The following MAPK8 variants were observed in gnomAD, a reference collection of about 807,000 sequenced individuals.
The protein encoded by MAPK8 is mitogen-activated protein kinase 8.
MAPK8 carries 13 observed loss-of-function variants against 52.9 expected under a neutral mutation model. That is an observed-to-expected ratio of 0.25 (90% CI 0.16 to 0.39). MAPK8 has a LOEUF of 0.39. MAPK8 is among the 10% of genes least tolerant of loss of function. The probability of loss-of-function intolerance (pLI) is 1.00; values close to 1 mark genes in which losing one functional copy is unlikely to be tolerated. For synonymous variants in MAPK8, 191 were observed against 169.8 expected (o/e 1.12, Z -0.97); for missense variants, 300 against 519.2 (o/e 0.58, Z 4.10).
Position 48,324,503 on chromosome 10 carries a change from G to GTTTTTTTTTTTTTTTTTTTTTTTT in MAPK8, c.-50+17699_-50+17700insTTTTTTTTTTTTTTTTTTTTTTTT, listed in dbSNP as rs370766776. 6.4e-4 allele frequency among the ~76,000 whole-genome samples: 76 copies of GTTTTTTTTTTTTTTTTTTTTTTTT among 117,958 alleles called. 5 individuals are homozygous for GTTTTTTTTTTTTTTTTTTTTTTTT. The highest frequency in any genetic ancestry group is 7.5e-4 in the Non-Finnish European group (45 of 59,880). The allele number at this position is 117,958 out of a possible 152,430, so 77.4% of individuals were successfully genotyped here. ...TATACAACAGTTGTCCTGTTTTCTAGTTTTTTTTTTTTTTTTTACACTCAT... is the reference window on the plus strand; with the variant it reads ...TATACAACAGTTGTCCTGTTTTCTAGTTTTTTTTTTTTTTTTTTTTTTTTTTTTTTTTTTTTTTTTTACACTCAT... On this transcript the variant is annotated intron_variant, in intron 1 of 11. Transcript: ENST00000374189.
At chr10:48,376,789 C>T (rs979984481) in intron 1 of MAPK8, among the ~76,000 whole-genome samples, 1 of 152,156 alleles carries the variant, frequency 6.6e-6, no homozygotes, top group Non-Finnish European at 1.5e-5. Flanking sequence ...TTAGTTCAAC[C>T]ATTGTGGAAG....
chr10:48,368,729 G>A (rs1848286036), intron 1 of MAPK8, among the ~76,000 whole-genome samples: 2 of 152,206 alleles, frequency 1.3e-5, no homozygotes, highest in African/African-American at 2.4e-5. Context: ...AGAAACTTAA[G>A]CAAAAGACAA....
intron 1 of MAPK8, among the ~76,000 whole-genome samples, chr10:48,322,138 T>C (rs1843057367): frequency 6.6e-6 from 1 of 152,108 alleles, no homozygotes; most frequent in Non-Finnish European, 1.5e-5. Flanking sequence ...GATGACTGAT[T>C]TTTCTTACTT....
chr10:48,330,661 A>C (rs1177612282), intron 1 of MAPK8, among the ~76,000 whole-genome samples: 1 of 152,226 alleles, frequency 6.6e-6, no homozygotes, highest in African/African-American at 2.4e-5. Flanking sequence ...CACCCGGGGC[A>C]GGTACAGCAG....
At chr10:48,371,024 A>G (rs1848486953) in intron 1 of MAPK8, among the ~76,000 whole-genome samples, 1 of 152,250 alleles carries the variant, frequency 6.6e-6, no homozygotes, top group Non-Finnish European at 1.5e-5. Flanking sequence ...GGGTTGACCA[A>G]GCAGATCACC....
intron 1 of MAPK8, among the ~76,000 whole-genome samples, chr10:48,398,646 C>T (rs947735521): frequency 6.6e-6 from 1 of 152,154 alleles, no homozygotes; most frequent in Non-Finnish European, 1.5e-5. Flanking sequence ...AACCCTAAAA[C>T]TGTAAACAGT....
At chr10:48,426,794 AATT>A in intron 9 of MAPK8, 1 of 481,358 alleles carries the variant, frequency 2.1e-6, no homozygotes, top group East Asian at 3.7e-5. Context: ...GTATAAAACA[AATT>A]ACTGTATCCA....
In MAPK8 at chr10:48,425,172, GTTT is replaced by G. The variant is rs780283890; in HGVS notation, c.689-715_689-713del. 5.9e-5 allele frequency: 45 copies of G among 765,356 alleles called. No homozygotes were observed. In the Middle Eastern group the frequency reaches 9.1e-4, roughly 15 times the overall value. 47.4% of individuals were successfully genotyped at this position (765,356 alleles called of 1,614,324 possible). ...TTACCAGCTAGTAACACTTAGAATTGTTTCAGGAGGAAGAATGGGAAAAGGCAT... is the reference window on the plus strand; with the variant it reads ...TTACCAGCTAGTAACACTTAGAATTGCAGGAGGAAGAATGGGAAAAGGCAT... On this transcript the variant is annotated intron_variant, in intron 7 of 11. Transcript: ENST00000374189.
intron 11 of MAPK8, among the ~76,000 whole-genome samples, chr10:48,433,545 C>T (rs1161332454): frequency 6.6e-6 from 1 of 152,056 alleles, no homozygotes; most frequent in East Asian, 1.9e-4. Context: ...ACCTCTTTTA[C>T]CTCTCATCTC....
intron 7 of MAPK8, 123 bp downstream of exon 7, chr10:48,424,282 A>G: frequency 2.2e-6 from 2 of 902,124 alleles, no homozygotes; most frequent in South Asian, 1.8e-5. Context: ...GTTTGTGGCT[A>G]TTATAGTTCA....
At chr10:48,367,864 C>T (rs1292248069) in intron 1 of MAPK8, among the ~76,000 whole-genome samples, 1 of 152,164 alleles carries the variant, frequency 6.6e-6, no homozygotes, top group Non-Finnish European at 1.5e-5. Context: ...GGGACAGAGG[C>T]ATCAAGGCAG....
chr10:48,425,606 A>G (rs912467168), intron 7 of MAPK8: 15 of 336,202 alleles, frequency 4.5e-5, no homozygotes, highest in South Asian at 9.8e-5. Context: ...CATTATTCTT[A>G]GTTGCTTATC....
At chr10:48,385,904 C>T (rs1327115798) in intron 1 of MAPK8, among the ~76,000 whole-genome samples, 1 of 151,944 alleles carries the variant, frequency 6.6e-6, no homozygotes, top group Non-Finnish European at 1.5e-5. Context: ...TGGGGGCAGG[C>T]ACATTTAATT....
Position 48,435,957 on chromosome 10 carries a change from CT to C in MAPK8, c.*931del, listed in dbSNP as rs2133411711. On this transcript the variant is annotated 3_prime_UTR_variant, in exon 12 of 12. Coordinates refer to ENST00000374189, the MANE Select transcript of MAPK8 (RefSeq NM_001323329.2). ...TCCCAGCAATGTTCTAGAGTCTGGT[CT>C]TTCCCTTTCCTGCAGCTTCGGGTCC... is the stretch of plus-strand genomic sequence containing the variant. 6.6e-6 allele frequency: 1 copy of C among 152,336 alleles called. No homozygotes were observed. The highest frequency in any genetic ancestry group is 2.1e-4 in the South Asian group (1 of 4,828). 9.4% of individuals were successfully genotyped at this position (152,336 alleles called of 1,614,324 possible). A position where few individuals can be genotyped will look rare whatever the true frequency, so the allele number is the denominator to read the frequency against.
chr10:48,419,610 G>A (rs1211771412), intron 5 of MAPK8, among the ~76,000 whole-genome samples: 1 of 152,124 alleles, frequency 6.6e-6, no homozygotes, highest in East Asian at 1.9e-4. Flanking sequence ...GACTTCAGGT[G>A]GGAAATCAGG....
At chr10:48,336,760 A>G (rs567964720) in intron 1 of MAPK8, among the ~76,000 whole-genome samples, 1 of 152,292 alleles carries the variant, frequency 6.6e-6, no homozygotes, top group Non-Finnish European at 1.5e-5. Context: ...AAAAAGGCAA[A>G]AGGTAGGCAT....
chr10:48,407,932 T>C (rs778970136), intron 3 of MAPK8, among the ~76,000 whole-genome samples: 2 of 152,208 alleles, frequency 1.3e-5, no homozygotes, highest in Admixed American at 1.3e-4. Context: ...GTGCATTGCA[T>C]GCGGTTGGTA....
intron 1 of MAPK8, among the ~76,000 whole-genome samples, chr10:48,396,435 C>T (rs2041891048): frequency 6.6e-6 from 1 of 152,132 alleles, no homozygotes; most frequent in Non-Finnish European, 1.5e-5. Context: ...ATTAAAAGTA[C>T]TGGCAAAACG....
At chr10:48,433,873 C>T (rs2044591198) in intron 11 of MAPK8, among the ~76,000 whole-genome samples, 1 of 152,196 alleles carries the variant, frequency 6.6e-6, no homozygotes, top group Admixed American at 6.5e-5. Context: ...AAATTCTGCT[C>T]AGTGTTCCAT....
Sources: allele counts gnomAD v4.1 joint callset (sites outside exome capture counted in the v4.1 genomes callset), GRCh38; gene constraint gnomAD v4.1.1; transcripts MANE v1.5; gene names NCBI Gene and HGNC (gene_info 2026-07-23, HGNC 2026-07-21).